Variants in PLEKHM3 observed in about 807,000 individuals in gnomAD.
The protein encoded by PLEKHM3 is pleckstrin homology domain-containing family M member 3.
A neutral mutation model predicts 81.8 loss-of-function variants in PLEKHM3; 45 were observed. That is an observed-to-expected ratio of 0.55 (90% confidence interval 0.43 to 0.71). PLEKHM3 has a LOEUF of 0.71. PLEKHM3 is among the 30% of genes least tolerant of loss of function. The pLI, the probability that PLEKHM3 is intolerant of heterozygous loss-of-function variation, is 0.00. For synonymous variants in PLEKHM3, 352 were observed against 356.4 expected, an observed-to-expected ratio of 0.99 and a Z score of 0.14; for missense variants, 788 against 924.3, an observed-to-expected ratio of 0.85 and a Z score of 1.91.
chr2:207,949,839 C>A (rs1690271591), intron 3 of PLEKHM3, among the ~76,000 whole-genome samples: 1 of 152,160 alleles, frequency 6.6e-6, no homozygotes, highest in South Asian at 2.1e-4. Flanking sequence ...TATATATTCC[C>A]TAGTAGGCAC....
intron 2 of PLEKHM3, among the ~76,000 whole-genome samples, chr2:207,990,334 C>G (rs1396286080): frequency 6.6e-6 from 1 of 152,164 alleles, no homozygotes; most frequent in South Asian, 2.1e-4. Flanking sequence ...TCCTGACCAT[C>G]TCATACATAC....
chr2:208,020,990 C>T (rs371256880), intron 1 of PLEKHM3, among the ~76,000 whole-genome samples: 1 of 152,202 alleles, frequency 6.6e-6, no homozygotes, highest in African/African-American at 2.4e-5. Flanking sequence ...CCATTAAAGT[C>T]AGGCCTTTTG....
intron 6 of PLEKHM3, among the ~76,000 whole-genome samples, chr2:207,870,964 C>T (rs79437092): frequency 6.1e-4 from 93 of 151,956 alleles, no homozygotes; most frequent in Middle Eastern, 3.4e-3. Flanking sequence ...AAAAATTAGC[C>T]GATTGCAGTG....
chr2:208,015,581 A>T (rs1692878066), intron 1 of PLEKHM3, among the ~76,000 whole-genome samples: 1 of 152,190 alleles, frequency 6.6e-6, no homozygotes, highest in South Asian at 2.1e-4. Flanking sequence ...TTGTTCTCTA[A>T]CTAAATAGCT....
intron 2 of PLEKHM3, among the ~76,000 whole-genome samples, chr2:207,987,237 G>C (rs1691758057): frequency 6.6e-6 from 1 of 152,170 alleles, no homozygotes; most frequent in African/African-American, 2.4e-5. Flanking sequence ...AATGTGGTTA[G>C]ACTTCCTGAG....
At chr2:207,833,397 A>T (rs751129509) in intron 7 of PLEKHM3, among the ~76,000 whole-genome samples, 2 of 152,216 alleles carry the variant, frequency 1.3e-5, no homozygotes, top group Non-Finnish European at 2.9e-5. Context: ...ATGTTGCTGT[A>T]CATCACAGAA....
chr2:207,831,299 T>G (rs1442181339), intron 7 of PLEKHM3, among the ~76,000 whole-genome samples: 2 of 152,032 alleles, frequency 1.3e-5, no homozygotes, highest in Non-Finnish European at 2.9e-5. Flanking sequence ...GGGGACGCAG[T>G]GAGTTGGAGA....
intron 6 of PLEKHM3, among the ~76,000 whole-genome samples, chr2:207,880,019 G>C (rs2105847388): frequency 6.6e-6 from 1 of 152,262 alleles, no homozygotes; most frequent in East Asian, 1.9e-4. Context: ...GCATTTGGTT[G>C]TCATCACTCA....
intron 7 of PLEKHM3, among the ~76,000 whole-genome samples, chr2:207,854,406 G>A (rs960486590): frequency 2.0e-5 from 3 of 152,060 alleles, no homozygotes; most frequent in Admixed American, 6.5e-5. Flanking sequence ...CCCAGACATT[G>A]TATTACTTAA....
At chr2:207,834,053 T>C (rs1184894894) in intron 7 of PLEKHM3, among the ~76,000 whole-genome samples, 1 of 152,146 alleles carries the variant, frequency 6.6e-6, no homozygotes, top group Non-Finnish European at 1.5e-5. Context: ...TAGAATATCA[T>C]TTAAGAAGTC....
intron 6 of PLEKHM3, among the ~76,000 whole-genome samples, chr2:207,888,276 C>T (rs1003057635): frequency 6.6e-6 from 1 of 152,112 alleles, no homozygotes. Context: ...AGGACCTCAG[C>T]TTTGCTATTG....
chr2:207,980,041 C>A (rs982830576), intron 2 of PLEKHM3, among the ~76,000 whole-genome samples: 9 of 152,208 alleles, frequency 5.9e-5, no homozygotes, highest in African/African-American at 2.2e-4. Flanking sequence ...CTCCTGATCT[C>A]ATTTCCATCA....
chr2:207,877,922 C>T (rs1490544766), intron 6 of PLEKHM3, among the ~76,000 whole-genome samples: 4 of 152,076 alleles, frequency 2.6e-5, no homozygotes, highest in Admixed American at 6.5e-5. Context: ...TGATATGTGC[C>T]GTCACTGCTC....
chr2:207,926,938 A>G (rs934225216), intron 5 of PLEKHM3, among the ~76,000 whole-genome samples: 1 of 152,192 alleles, frequency 6.6e-6, no homozygotes, highest in African/African-American at 2.4e-5. Context: ...CAGTTTTCTC[A>G]CGACAGCAAT....
intron 6 of PLEKHM3, among the ~76,000 whole-genome samples, chr2:207,884,040 T>G (rs1687800849): frequency 6.6e-6 from 1 of 152,208 alleles, no homozygotes; most frequent in African/African-American, 2.4e-5. Context: ...GGCTCACGCC[T>G]GTAATCGCAG....
chr2:208,024,003 C>T (rs569214352), intron 1 of PLEKHM3, among the ~76,000 whole-genome samples: 2 of 151,768 alleles, frequency 1.3e-5, no homozygotes, highest in Admixed American at 6.6e-5. Context: ...ATTAGCCAGG[C>T]GTGGTGGCTT....
At position 207,821,638 on chromosome 2, in the gene PLEKHM3, G is replaced by T. The variant is rs2092217747; in HGVS notation, c.*6681C>A. 6.6e-6 allele frequency: 1 copy of T among 152,136 alleles called. No individual in the cohort carries two copies. Among genetic ancestry groups the T allele is most frequent in the Admixed American group, 6.5e-5 (1 of 15,270 alleles). The allele number at this position is 152,136 out of a possible 1,614,324, so 9.4% of individuals were successfully genotyped here. On this transcript the variant is annotated 3_prime_UTR_variant, in exon 8 of 8. Transcript: ENST00000427836. Reference sequence around the variant, plus strand: ...ATATAAGAAAAAATGGCATAGACCTGACCCAGGAGCTACAGAACAAGTTTT... The same window carrying T: ...ATATAAGAAAAAATGGCATAGACCTTACCCAGGAGCTACAGAACAAGTTTT...
In PLEKHM3 at chr2:207,967,858, A is replaced by G. The variant is rs536609801; in HGVS notation, c.1546+8793T>C. ...GAGGTACGGAGAGGTTAAGTAGTTTACCTAGGGTCGCACAGCTGGTGAGTA... is the reference window on the plus strand; with the variant it reads ...GAGGTACGGAGAGGTTAAGTAGTTTGCCTAGGGTCGCACAGCTGGTGAGTA... On this transcript the variant is annotated intron_variant, in intron 3 of 7. Coordinates refer to ENST00000427836, the MANE Select transcript of PLEKHM3 (RefSeq NM_001080475.3). Among the ~76,000 whole-genome samples, 9 of 152,204 alleles carry G rather than the reference A, an allele frequency of 5.9e-5. No homozygotes were observed. In the South Asian group the frequency reaches 1.9e-3, roughly 32 times the overall value.
chr2:207,919,851 T>A (rs1260568159), intron 5 of PLEKHM3, among the ~76,000 whole-genome samples: 1 of 152,120 alleles, frequency 6.6e-6, no homozygotes, highest in Non-Finnish European at 1.5e-5. Flanking sequence ...GGGAAGGCAG[T>A]CTTGTTAAAT....
Sources: allele counts gnomAD v4.1 joint callset (sites outside exome capture counted in the v4.1 genomes callset), GRCh38; gene constraint gnomAD v4.1.1; transcripts MANE v1.5; gene names NCBI Gene and HGNC (gene_info 2026-07-23, HGNC 2026-07-21).